Variants in SHTN1 observed in about 807,000 individuals in gnomAD.
SHTN1 encodes the protein shootin 1.
Under a neutral mutation model 83.1 loss-of-function variants are expected in SHTN1, and 42 were observed. That is an observed-to-expected ratio of 0.51 (90% CI 0.39 to 0.65). The LOEUF (loss-of-function observed/expected upper bound fraction) is 0.65, where lower values mean the gene tolerates loss of function less well. SHTN1 is among the 30% of genes least tolerant of loss of function. The pLI is 0.00. For synonymous variants in SHTN1, 224 were observed against 247.7 expected (o/e 0.90, Z 0.90); for missense variants, 622 against 737.8 (o/e 0.84, Z 1.82).
intron 1 of SHTN1, among the ~76,000 whole-genome samples, chr10:116,985,584 G>A (rs1851191857): frequency 1.3e-5 from 2 of 152,136 alleles, no homozygotes; most frequent in Non-Finnish European, 2.9e-5. Context: ...AGCAAATCAT[G>A]AAAGAGAACA....
rs551074506 is a variant in SHTN1 at position 117,042,719 on chromosome 10, G to A, written c.-123+5726C>T. 4.0e-5 allele frequency among the ~76,000 whole-genome samples: 6 copies of A among 151,500 alleles called. No homozygotes were observed. In the South Asian group the frequency reaches 8.3e-4, roughly 21 times the overall value. Reference sequence around the variant, plus strand: ...CAACCTCCACCTCCCAGGTTCAAGCGATTCTCCTGTCTCAAGCTCTTAAGT... The same window carrying A: ...CAACCTCCACCTCCCAGGTTCAAGCAATTCTCCTGTCTCAAGCTCTTAAGT... On this transcript the variant is annotated intron_variant, in intron 2 of 17. Transcript: ENST00000392901.
chr10:117,090,896 C>T (rs886522552), intron 1 of SHTN1, among the ~76,000 whole-genome samples: 2 of 152,080 alleles, frequency 1.3e-5, no homozygotes, highest in Non-Finnish European at 2.9e-5. Context: ...GAAAAAGGAT[C>T]TGACTGTTGG....
intron 1 of SHTN1, among the ~76,000 whole-genome samples, chr10:117,102,516 G>A (rs1413195309): frequency 1.3e-5 from 2 of 151,980 alleles, no homozygotes. Context: ...TGCTTCCTGG[G>A]ATCTGAAAAT....
chr10:117,099,808 A>T (rs1476012860), intron 1 of SHTN1, among the ~76,000 whole-genome samples: 1 of 152,126 alleles, frequency 6.6e-6, no homozygotes. Flanking sequence ...CCCCTTACCA[A>T]GCTGAGTGGC....
chr10:117,002,371 T>C (rs1564925649), intron 1 of SHTN1, among the ~76,000 whole-genome samples: 2 of 152,154 alleles, frequency 1.3e-5, no homozygotes, highest in South Asian at 2.1e-4. Context: ...TGGTACTTGA[T>C]AAGTATTTGT....
chr10:117,122,421 C>A (rs552325578), intron 1 of SHTN1, among the ~76,000 whole-genome samples: 1 of 152,282 alleles, frequency 6.6e-6, no homozygotes, highest in South Asian at 2.1e-4. Context: ...TCAAGCGATC[C>A]TCTCACCCCC....
intron 14 of SHTN1, chr10:116,907,955 G>T (rs937043435): frequency 5.9e-6 from 3 of 511,858 alleles, no homozygotes; most frequent in African/African-American, 1.9e-5. Flanking sequence ...GCTAAAAATG[G>T]TTGTTTTAGC....
intron 16 of SHTN1, among the ~76,000 whole-genome samples, chr10:116,896,994 A>G (rs2133314086): frequency 6.6e-6 from 1 of 152,006 alleles, no homozygotes; most frequent in African/African-American, 2.4e-5. Context: ...TTTAGTAGAG[A>G]TAGGGTTTTG....
intron 2 of SHTN1, among the ~76,000 whole-genome samples, chr10:116,972,004 A>T (rs1793551385): frequency 6.6e-6 from 1 of 152,218 alleles, no homozygotes; most frequent in Admixed American, 6.5e-5. Flanking sequence ...CATCATACAC[A>T]ATCACTAATG....
rs1311755308 is a variant in SHTN1, at chr10:116,899,546, T to TGTGTGTGTGTGTGTGTGTGA, written c.1673+2218_1673+2219insTCACACACACACACACACAC. Among the ~76,000 whole-genome samples the TGTGTGTGTGTGTGTGTGTGA allele has an allele frequency of 2.3e-4, 28 of 123,898 alleles. 1 individual carries two copies. The highest frequency in any genetic ancestry group is 7.8e-4 in the African/African-American group (27 of 34,452). The allele number at this position is 123,898 out of a possible 152,430, so 81.3% of individuals were successfully genotyped here. A position where few individuals can be genotyped will look rare whatever the true frequency, so the allele number is the denominator to read the frequency against. On this transcript the variant is annotated intron_variant, in intron 16 of 16. Transcript: ENST00000355371. ...GTGTGTGTGTGTGTGTGTGTGTGTG[T>TGTGTGTGTGTGTGTGTGTGA]GAGAGAGTGCATGCATACATATGTT...
At chr10:116,915,128 C>T (rs917094200) in intron 13 of SHTN1, among the ~76,000 whole-genome samples, 10 of 152,104 alleles carry the variant, frequency 6.6e-5, no homozygotes, top group Admixed American at 2.0e-4. Flanking sequence ...TGTAACAGTT[C>T]GTATCACTGT....
intron 1 of SHTN1, among the ~76,000 whole-genome samples, chr10:117,124,707 G>T (rs1210189503): frequency 6.6e-6 from 1 of 152,066 alleles, no homozygotes; most frequent in African/African-American, 2.4e-5. Context: ...CCCAGAGGCA[G>T]AGGTTGCAGT....
At chr10:117,014,476 A>C (rs1317564960) in intron 2 of SHTN1, among the ~76,000 whole-genome samples, 1 of 152,194 alleles carries the variant, frequency 6.6e-6, no homozygotes, top group Non-Finnish European at 1.5e-5. Flanking sequence ...AAGGCTGAAG[A>C]CAAAAGGAAC....
At chr10:116,951,359 G>A (rs554646388) in intron 6 of SHTN1, among the ~76,000 whole-genome samples, 27 of 151,810 alleles carry the variant, frequency 1.8e-4, no homozygotes, top group African/African-American at 5.8e-4. Context: ...GGAGGTTGAG[G>A]CGGCAGTGAG....
At chr10:116,982,134 G>A (rs1350811788) in intron 1 of SHTN1, among the ~76,000 whole-genome samples, 2 of 152,132 alleles carry the variant, frequency 1.3e-5, no homozygotes, top group East Asian at 3.8e-4. Flanking sequence ...TAAAACATCA[G>A]ATAATGGTTT....
intron 1 of SHTN1, among the ~76,000 whole-genome samples, chr10:117,125,543 C>G (rs781217143): frequency 5.9e-5 from 9 of 152,170 alleles, no homozygotes; most frequent in Non-Finnish European, 1.2e-4. Flanking sequence ...CTCCCCTTCA[C>G]CTACAGAATA....
intron 1 of SHTN1, among the ~76,000 whole-genome samples, chr10:117,109,553 C>CTTT (rs374713015): frequency 0.078 from 3,330 of 42,566 alleles, 1,487 homozygotes; most frequent in Middle Eastern, 0.17. Flanking sequence ...ACATATATTA[C>CTTT]TTTTTTTTTT....
chr10:117,005,768 A>G (rs1420368335), upstream of SHTN1, among the ~76,000 whole-genome samples: 1 of 152,204 alleles, frequency 6.6e-6, no homozygotes, highest in East Asian at 1.9e-4. Context: ...GGCCCTGGCT[A>G]GCTTTCCCCC....
At chr10:117,072,110 T>A (rs1160936042) in intron 1 of SHTN1, among the ~76,000 whole-genome samples, 1 of 152,128 alleles carries the variant, frequency 6.6e-6, no homozygotes, top group Non-Finnish European at 1.5e-5. Context: ...TGAAGAAAAA[T>A]TTAGTTCAAA....
Sources: gnomAD v4.1 joint callset for allele counts (sites outside exome capture counted in the v4.1 genomes callset) on GRCh38, gnomAD v4.1.1 for gene constraint, MANE v1.5 for transcripts, NCBI Gene and HGNC (gene_info 2026-07-23, HGNC 2026-07-21) for gene names.